AMBRA1: variants seen among roughly 807,000 people sequenced by gnomAD.
AMBRA1 encodes activating molecule in BECN1-regulated autophagy protein 1.
AMBRA1 carries 47 observed loss-of-function variants against 125.4 expected under a neutral mutation model. The ratio of observed to expected loss-of-function variants is 0.37; its 90% CI spans 0.30 to 0.48. AMBRA1 has a LOEUF of 0.48. Among genes scored for constraint, AMBRA1 ranks in the 20% least tolerant of loss-of-function variants. The pLI, the probability that AMBRA1 is intolerant of heterozygous loss-of-function variation, is 0.99. For missense variants in AMBRA1, 1,331 were observed against 1,693.4 expected (o/e 0.79, Z 3.76); for synonymous variants, 626 against 655.5 (o/e 0.95, Z 0.69).
At chr11:46,433,720 C>T in intron 13 of AMBRA1, 92 bp from the exon 14 acceptor site, 1 of 1,346,136 alleles carries the variant, frequency 7.4e-7, no homozygotes, top group Admixed American at 2.1e-5. Flanking sequence ...TTTCTCTAAT[C>T]TTCATATTCA....
chr11:46,446,596 G>C (rs1360556147), intron 11 of AMBRA1, among the ~76,000 whole-genome samples: 1 of 152,166 alleles, frequency 6.6e-6, no homozygotes, highest in East Asian at 1.9e-4. Context: ...AATTATTTGT[G>C]TGAAGAGTCT....
chr11:46,581,738 C>T (rs1355041341), intron 1 of AMBRA1, among the ~76,000 whole-genome samples: 1 of 147,784 alleles, frequency 6.8e-6, no homozygotes, highest in East Asian at 2.0e-4. Context: ...AGGCAGAAAT[C>T]GCACTGAGCC....
Position 46,541,958 on chromosome 11 carries a change from C to G in AMBRA1, c.2059G>C (p.Asp687His). Residue 687 changes from aspartate to histidine, a missense_variant, in exon 7 of 18, where the codon GAT becomes CAT. This residue lies in a region of AMBRA1 where 689 missense variants were observed against 776.5 expected (regional missense o/e 0.89). Coordinates refer to ENST00000683756, the MANE Select transcript of AMBRA1 (RefSeq NM_001387011.1). ...GCGACTGCTTACCTCCTGAGTGAAT[C>G]CTCCTCAGAGCTCTCCTCAGGCATA... is the stretch of plus-strand genomic sequence containing the variant. ...QDMPEESSEE[D>H]SLRRRLLESS... 1 of 1,609,292 alleles carries G rather than the reference C, an allele frequency of 6.2e-7. No individual in the cohort carries two copies. Among genetic ancestry groups the G allele is most frequent in the Non-Finnish European group, 8.5e-7 (1 of 1,178,870 alleles).
At position 46,484,896 on chromosome 11, in the gene AMBRA1, C is replaced by T. The variant is rs182525218; in HGVS notation, c.2521+8712G>A. Among the ~76,000 whole-genome samples the T allele has an allele frequency of 1.6e-3, 249 of 151,474 alleles. 3 individuals carry two copies. Among genetic ancestry groups the T allele is most frequent in the Non-Finnish European group, 2.5e-3 (167 of 67,898 alleles). On this transcript the variant is annotated intron_variant, in intron 11 of 17. Coordinates refer to ENST00000683756, the MANE Select transcript of AMBRA1 (RefSeq NM_001387011.1). ...TCCTGACCTCATGATCCACCTGCCT[C>T]GGCCTCTGAAAGTGCTGGGATTACA...
chr11:46,541,793 A>C (rs1952756726), intron 7 of AMBRA1, 152 bp downstream of exon 7: 4 of 1,036,656 alleles, frequency 3.9e-6, no homozygotes, highest in Non-Finnish European at 4.2e-6. Context: ...CTGCCACCAG[A>C]GCAAGATTTT....
At chr11:46,429,274 G>A in intron 14 of AMBRA1, 1 of 816,068 alleles carries the variant, frequency 1.2e-6, no homozygotes, top group East Asian at 2.7e-5. Flanking sequence ...AGAAATCGGT[G>A]TGTGGGGAGT....
intron 4 of AMBRA1, 72 bp downstream of exon 4, chr11:46,547,041 A>ACACCACG: frequency 7.0e-7 from 1 of 1,423,906 alleles, no homozygotes; most frequent in South Asian, 1.4e-5. Flanking sequence ...ACTGGGCAAC[A>ACACCACG]GAGCGAGACT....
intron 1 of AMBRA1, among the ~76,000 whole-genome samples, chr11:46,569,440 A>AAT (rs1243484151): frequency 0.016 from 2,161 of 131,256 alleles, 23 homozygotes; most frequent in Non-Finnish European, 0.024. Context: ...AAAAAAAAAA[A>AAT]ATATATATAT....
rs756008473 is a variant in AMBRA1 at position 46,542,755 on chromosome 11, C to T, written c.1262G>A (p.Arg421Gln). Residue 421 changes from arginine (R) to glutamine (Q), a missense_variant, in exon 7 of 18, where the codon CGG (arginine) becomes CAG (glutamine). Arg to Gln is a conservative substitution (Grantham distance 43, BLOSUM62 1). This residue lies in a region of AMBRA1 where 689 missense variants were observed against 776.5 expected (regional missense o/e 0.89). Coordinates refer to ENST00000683756, the MANE Select transcript of AMBRA1 (RefSeq NM_001387011.1). This position sits in a 1 kb window ranked among gnomAD's most constrained non-coding sequence, Gnocchi z 5.9. ...GCGGGAGTTCAGACTGAGTACTGTCCGGGTCCACTCAGATCCTGTCAACCC... is the reference window on the plus strand; with the variant it reads ...GCGGGAGTTCAGACTGAGTACTGTCTGGGTCCACTCAGATCCTGTCAACCC... ...APGLTGSEWT[R>Q]TVLSLNSRSE... is the part of the protein sequence containing the mutation. 1.7e-5 allele frequency: 27 copies of T among 1,613,744 alleles called. No individual in the cohort carries two copies. The highest frequency in any genetic ancestry group is 1.0e-4 in the Admixed American group (6 of 59,970).
At chr11:46,402,696 T>G (rs1488993463) in intron 17 of AMBRA1, among the ~76,000 whole-genome samples, 3 of 152,230 alleles carry the variant, frequency 2.0e-5, no homozygotes, top group African/African-American at 7.2e-5. Context: ...ACTTGCTCTT[T>G]GAGGGAAGAG....
chr11:46,537,475 T>C lies in AMBRA1; in HGVS notation c.2072+4470A>G, dbSNP rs1473415769. 2.6e-5 allele frequency among the ~76,000 whole-genome samples: 4 copies of C among 152,170 alleles called. No homozygotes were observed. The East Asian group carries it at 7.7e-4, about 29-fold the overall frequency. ...TTTTAACTTGCCATTGAAACCATTT[T>C]CTTTTTCCTAGTACCAGTTTTTAAA... On this transcript the variant is annotated intron_variant, in intron 7 of 17. Transcript: ENST00000683756.
chr11:46,441,956 A>C (rs1366893307), intron 12 of AMBRA1, among the ~76,000 whole-genome samples: 10 of 136,142 alleles, frequency 7.3e-5, no homozygotes, highest in Admixed American at 2.2e-4. Context: ...GGCTCAGTGC[A>C]AAAAAAAAAA....
Position 46,397,321 on chromosome 11 carries a change from C to G in AMBRA1, c.*129G>C, listed in dbSNP as rs73466034. 5.4e-6 allele frequency: 7 copies of G among 1,297,506 alleles called. No individual in the cohort carries two copies. In the African/African-American group the frequency reaches 1.0e-4, roughly 19 times the overall value. 80.4% of individuals were successfully genotyped at this position (1,297,506 alleles called of 1,614,324 possible). A position where few individuals can be genotyped will look rare whatever the true frequency, so the allele number is the denominator to read the frequency against. On this transcript the variant is annotated 3_prime_UTR_variant, in exon 18 of 18. Transcript: ENST00000683756. The stretch of plus-strand genomic sequence containing the variant: ...CCCACTGACTGATCTTCCTCTCCAC[C>G]CTGACCCTCTTCCTCCTCCTGTTCC...
chr11:46,580,403 G>A (rs1201228410), intron 1 of AMBRA1, among the ~76,000 whole-genome samples: 2 of 152,056 alleles, frequency 1.3e-5, no homozygotes, highest in East Asian at 3.9e-4. Context: ...CTTGATATCT[G>A]CACTTGTATG....
At position 46,526,667 on chromosome 11, in the gene AMBRA1, T is replaced by C. The variant is rs190471179; in HGVS notation, c.2073-13854A>G. On this transcript the variant is annotated intron_variant, in intron 7 of 17. Transcript: ENST00000683756. The stretch of plus-strand genomic sequence containing the variant: ...TTCTAACTGGGCCTCCAGATGACTC[T>C]AGAGAAAACCCAAGGAAGATCAGCA... Among the ~76,000 whole-genome samples, 651 of 151,274 alleles carry C rather than the reference T, an allele frequency of 4.3e-3. 4 individuals carry two copies. Among genetic ancestry groups the C allele is most frequent in the African/African-American group, 0.013 (542 of 41,206 alleles).
chr11:46,482,792 T>A (rs1306020520), intron 11 of AMBRA1, among the ~76,000 whole-genome samples: 1 of 152,022 alleles, frequency 6.6e-6, no homozygotes, highest in Non-Finnish European at 1.5e-5. Flanking sequence ...AGGCAGATCA[T>A]AAGGTCAGGA....
chr11:46,530,971 C>T (rs932985155), intron 7 of AMBRA1, among the ~76,000 whole-genome samples: 1 of 152,206 alleles, frequency 6.6e-6, no homozygotes, highest in African/African-American at 2.4e-5. Flanking sequence ...GCAACTTCCA[C>T]CTCCCAGATT....
At chr11:46,457,874 C>A (rs1948921587) in intron 11 of AMBRA1, among the ~76,000 whole-genome samples, 1 of 150,826 alleles carries the variant, frequency 6.6e-6, no homozygotes. Flanking sequence ...CCACTGCACT[C>A]CAGCCTGCGT....
At chr11:46,430,128 T>C (rs976296362) in intron 14 of AMBRA1, among the ~76,000 whole-genome samples, 19 of 152,040 alleles carry the variant, frequency 1.2e-4, no homozygotes. Flanking sequence ...AAAATTAAAA[T>C]GATTCAACAT....
Sources: allele counts gnomAD v4.1 joint callset (sites outside exome capture counted in the v4.1 genomes callset), GRCh38; gene constraint gnomAD v4.1.1; regional missense constraint gnomAD v4.1.1; non-coding constraint Gnocchi (gnomAD v3.1); transcripts MANE v1.5; gene names NCBI Gene and HGNC (gene_info 2026-07-23, HGNC 2026-07-21).